Variants in GRIK2 observed in about 807,000 individuals in gnomAD.
GRIK2 encodes the protein glutamate ionotropic receptor kainate type subunit 2.
GRIK2 carries 32 observed loss-of-function variants against 100.3 expected under a neutral mutation model. That is an observed-to-expected ratio of 0.32 (90% CI 0.24 to 0.43). The LOEUF (loss-of-function observed/expected upper bound fraction) is 0.43. GRIK2 is among the 20% of genes least tolerant of loss of function. The probability of loss-of-function intolerance (pLI) is 1.00; values close to 1 mark genes in which losing one functional copy is unlikely to be tolerated. For synonymous variants in GRIK2, 417 were observed against 389.4 expected (o/e 1.07, Z -0.83); for missense variants, 843 against 1,114.9 (o/e 0.76, Z 3.47).
At chr6:101,524,370 T>C (rs1490458590) in intron 2 of GRIK2, among the ~76,000 whole-genome samples, 2 of 146,320 alleles carry the variant, frequency 1.4e-5, no homozygotes, top group Admixed American at 6.7e-5. Context: ...AGTAGAAATA[T>C]AGTCAATGCC....
chr6:101,937,242 T>C (rs2518284), intron 14 of GRIK2, among the ~76,000 whole-genome samples: 5,214 of 152,196 alleles, frequency 0.034, 315 homozygotes, highest in African/African-American at 0.12. Flanking sequence ...TAGTATGCTA[T>C]GGTTCTCTCC....
chr6:101,534,330 C>T (rs1775585754), intron 2 of GRIK2, among the ~76,000 whole-genome samples: 1 of 151,838 alleles, frequency 6.6e-6, no homozygotes, highest in Non-Finnish European at 1.5e-5. Flanking sequence ...AGAAAAGCTT[C>T]AGCCAATTTG....
At chr6:101,465,147 G>A (rs1424483425) in intron 2 of GRIK2, among the ~76,000 whole-genome samples, 1 of 152,060 alleles carries the variant, frequency 6.6e-6, no homozygotes, top group East Asian at 1.9e-4. Context: ...CACATAACGG[G>A]TACAAGTATA....
chr6:101,789,854 C>T (rs144360549), intron 7 of GRIK2, among the ~76,000 whole-genome samples: 1,919 of 152,254 alleles, frequency 0.013, 37 homozygotes, highest in African/African-American at 0.044. Flanking sequence ...AATGTTCTTC[C>T]ATTTATTTGT....
chr6:101,971,998 GAT>G (rs1265130332), intron 14 of GRIK2, among the ~76,000 whole-genome samples: 1 of 151,878 alleles, frequency 6.6e-6, no homozygotes, highest in Admixed American at 6.6e-5. Context: ...TTCCACCATT[GAT>G]TGGCATCTGT....
At chr6:102,047,274 A>C (rs1007961830) in intron 15 of GRIK2, among the ~76,000 whole-genome samples, 4 of 152,096 alleles carry the variant, frequency 2.6e-5, no homozygotes, top group Non-Finnish European at 5.9e-5. Context: ...CACTTCTTTA[A>C]AAAAATAAAC....
intron 14 of GRIK2, among the ~76,000 whole-genome samples, chr6:101,984,655 A>ACACACACACACAC (rs369665252): frequency 6.7e-6 from 1 of 148,640 alleles, no homozygotes; most frequent in Non-Finnish European, 1.5e-5. Flanking sequence ...ACACACACAC[A>ACACACACACACAC]CCCTTCAACT....
intron 2 of GRIK2, among the ~76,000 whole-genome samples, chr6:101,554,547 C>T (rs549771924): frequency 1.3e-5 from 2 of 152,224 alleles, no homozygotes; most frequent in Admixed American, 1.3e-4. Flanking sequence ...TGCCCTCTGC[C>T]TTTATATCTA....
chr6:101,952,078 T>C (rs1470830189), intron 14 of GRIK2, among the ~76,000 whole-genome samples: 2 of 152,232 alleles, frequency 1.3e-5, no homozygotes, highest in Non-Finnish European at 2.9e-5. Flanking sequence ...TCCCCTTCGT[T>C]AGCTCTTGAC....
At chr6:101,522,283 C>G (rs1409206270) in intron 2 of GRIK2, among the ~76,000 whole-genome samples, 4 of 152,150 alleles carry the variant, frequency 2.6e-5, no homozygotes, top group Non-Finnish European at 5.9e-5. Context: ...CTTTCCTGCT[C>G]TTTTCATTTA....
intron 2 of GRIK2, among the ~76,000 whole-genome samples, chr6:101,615,865 T>A (rs771188828): frequency 7.2e-5 from 11 of 151,826 alleles, no homozygotes; most frequent in Non-Finnish European, 1.2e-4. Context: ...CTTTTAAAAT[T>A]ATAAAAACCA....
At chr6:101,413,666 T>A (rs572988002) in intron 2 of GRIK2, among the ~76,000 whole-genome samples, 1 of 152,228 alleles carries the variant, frequency 6.6e-6, no homozygotes, top group South Asian at 2.1e-4. Context: ...ATTCTATAGG[T>A]TCTGTTTCAG....
chr6:101,686,393 A>G lies in GRIK2; in HGVS notation c.951+40A>G, dbSNP rs747881723. ...TTAAAGATCAGTTTGTGTGTTTCTA[A>G]ATAGTATTGCATACATATGAACTTC... On this transcript the variant is annotated intron_variant, in intron 7 of 16. Coordinates refer to ENST00000369134, the MANE Select transcript of GRIK2 (RefSeq NM_021956.5). The G allele has an allele frequency of 4.1e-6, 6 of 1,473,344 alleles. No homozygotes were observed. In the South Asian group the frequency reaches 5.7e-5, roughly 14 times the overall value. 91.3% of individuals were successfully genotyped at this position (1,473,344 alleles called of 1,614,324 possible).
chr6:101,686,196 A>T lies in GRIK2; in HGVS notation c.794A>T (p.Asp265Val), dbSNP rs760325916. Residue 265 changes from aspartate to valine, a missense_variant, in exon 7 of 17, where the codon GAT becomes GTT. Physicochemically the swap from Asp to Val is radical, Grantham distance 152. Around this residue, in one of 3 missense-constraint regions of GRIK2, gnomAD observed 519 missense variants for 643.8 expected, o/e 0.81. Transcript: ENST00000369134. Reference sequence around the variant, plus strand: ...GTCTTTCAGGACCTCTTTGCTCTTGATGTTGAGCCCTACCGATACAGTGGT... The same window carrying T: ...GTCTTTCAGGACCTCTTTGCTCTTGTTGTTGAGCCCTACCGATACAGTGGT... ...IFTTLDLFAL[D>V]VEPYRYSGVN... 2.5e-6 allele frequency: 4 copies of T among 1,611,676 alleles called. No homozygotes were observed. The East Asian group carries it at 6.7e-5, about 27-fold the overall frequency.
rs1775996543 is a variant in GRIK2 at position 101,413,974 on chromosome 6, C to T, written c.115+14582C>T. 2.0e-5 allele frequency among the ~76,000 whole-genome samples: 3 copies of T among 152,144 alleles called. No homozygotes were observed. The South Asian group carries it at 6.2e-4, about 31-fold the overall frequency. ...AATCATTCATTTAACAAATGTTTAACTGCTTACCCATGTGCCAGACACTTG... is the reference window on the plus strand; with the variant it reads ...AATCATTCATTTAACAAATGTTTAATTGCTTACCCATGTGCCAGACACTTG... On this transcript the variant is annotated intron_variant, in intron 2 of 16. Transcript: ENST00000369134.
At chr6:102,044,649 T>C (rs1194871352) in intron 15 of GRIK2, among the ~76,000 whole-genome samples, 1 of 151,974 alleles carries the variant, frequency 6.6e-6, no homozygotes, top group Admixed American at 6.6e-5. Context: ...CCTCCCACAA[T>C]ACATGGGAAT....
chr6:101,663,013 G>A (rs1769744474), intron 4 of GRIK2, among the ~76,000 whole-genome samples: 1 of 152,076 alleles, frequency 6.6e-6, no homozygotes, highest in South Asian at 2.1e-4. Context: ...TCTGGGACAA[G>A]AAGATAAAAT....
In GRIK2 at chr6:101,999,632, A is replaced by G. The variant is rs552278656; in HGVS notation, c.2086-35709A>G. ...TTGTAGAGTAATATGTTGTCTATGGAAAAAAAAGGTTTTCCTCTTCCCCAC... is the reference window on the plus strand; with the variant it reads ...TTGTAGAGTAATATGTTGTCTATGGGAAAAAAAGGTTTTCCTCTTCCCCAC... On this transcript the variant is annotated intron_variant, in intron 14 of 16. Coordinates refer to ENST00000369134, the MANE Select transcript of GRIK2 (RefSeq NM_021956.5). Among the ~76,000 whole-genome samples, 5 of 151,890 alleles carry G rather than the reference A, an allele frequency of 3.3e-5. No individual in the cohort carries two copies. In the South Asian group the frequency reaches 6.2e-4, roughly 19 times the overall value.
intron 16 of GRIK2, among the ~76,000 whole-genome samples, chr6:102,057,763 C>T (rs945958874): frequency 6.6e-6 from 1 of 151,852 alleles, no homozygotes; most frequent in Admixed American, 6.6e-5. Flanking sequence ...TGCACCTTTA[C>T]TACAGCCACA....
Sources: gnomAD v4.1 joint callset for allele counts (sites outside exome capture counted in the v4.1 genomes callset) on GRCh38, gnomAD v4.1.1 for gene constraint, gnomAD v4.1.1 regional missense constraint, MANE v1.5 for transcripts, NCBI Gene and HGNC (gene_info 2026-07-23, HGNC 2026-07-21) for gene names.